Variants in MMP20 observed in about 807,000 individuals in gnomAD.
MMP20 encodes matrix metalloproteinase-20.
MMP20 carries 50 observed loss-of-function variants against 51.8 expected under a neutral mutation model. The observed-to-expected ratio is 0.97, with a 90% CI of 0.77 to 1.22. MMP20 has a LOEUF of 1.22. MMP20 is among the 50% of genes most tolerant of loss of function. MMP20 has a pLI of 0.00. For missense variants in MMP20, 663 were observed against 601.4 expected, an observed-to-expected ratio of 1.10 and a Z score of -1.07; for synonymous variants, 244 against 216.2, an observed-to-expected ratio of 1.13 and a Z score of -1.13.
At chr11:102,608,592 T>C (rs535446551) in intron 5 of MMP20, among the ~76,000 whole-genome samples, 1 of 152,318 alleles carries the variant, frequency 6.6e-6, no homozygotes, top group East Asian at 1.9e-4. Flanking sequence ...TAAGGTCACT[T>C]ATCTGCAAAT....
chr11:102,600,007 TC>T (rs1250649928), intron 6 of MMP20, among the ~76,000 whole-genome samples: 1 of 152,218 alleles, frequency 6.6e-6, no homozygotes, highest in East Asian at 1.9e-4. Flanking sequence ...CCCTCCTCTC[TC>T]AGAATCAGGT....
chr11:102,594,534 T>A, intron 7 of MMP20, 87 bp downstream of exon 7: 2 of 1,557,898 alleles, frequency 1.3e-6, no homozygotes. Context: ...CCATGATGAC[T>A]GGAAAAATGC....
intron 6 of MMP20, among the ~76,000 whole-genome samples, chr11:102,602,829 C>A (rs777043118): frequency 2.6e-5 from 4 of 152,128 alleles, no homozygotes; most frequent in Non-Finnish European, 5.9e-5. Context: ...TTATATTGGG[C>A]AAAACCCAAC....
chr11:102,606,662 A>G lies in MMP20; in HGVS notation c.826T>C (p.Phe276Leu), dbSNP rs1859521899. The G allele has an allele frequency of 1.9e-6, 3 of 1,614,122 alleles. No homozygotes were observed. The highest frequency in any genetic ancestry group is 2.2e-5 in the South Asian group (2 of 91,078). Residue 276 changes from phenylalanine (F) to leucine (L), a missense_variant, in exon 6 of 10, where the codon TTC becomes CTC. Coordinates refer to ENST00000260228, the MANE Select transcript of MMP20 (RefSeq NM_004771.4). ...TGGGGCAGAGTGGGCTTCCCCAGGAATACTTTCCGAGGTCCTAGGATTCAA... is the reference window on the plus strand; with the variant it reads ...TGGGGCAGAGTGGGCTTCCCCAGGAGTACTTTCCGAGGTCCTAGGATTCAA... Reference protein sequence around the residue: ...IQALYGPRKVFLGKPTLPHAP... With the variant: ...IQALYGPRKVLLGKPTLPHAP...
intron 8 of MMP20, among the ~76,000 whole-genome samples, chr11:102,592,648 G>T (rs1255525917): frequency 1.3e-5 from 2 of 152,218 alleles, no homozygotes; most frequent in Admixed American, 6.5e-5. Context: ...TGAGCCTAAG[G>T]TGTCTAGCAT....
chr11:102,579,460 G>A (rs1859168336), intron 8 of MMP20, among the ~76,000 whole-genome samples: 1 of 151,770 alleles, frequency 6.6e-6, no homozygotes, highest in African/African-American at 2.4e-5. Flanking sequence ...CTACAGGCAT[G>A]TACCACCACA....
rs1343705639 is a variant in MMP20 at position 102,608,967 on chromosome 11, C to G, written c.781G>C (p.Asp261His). The G allele has an allele frequency of 6.2e-7, 1 of 1,614,084 alleles. No homozygotes were observed. Among genetic ancestry groups the G allele is most frequent in the Middle Eastern group, 1.7e-4 (1 of 6,060 alleles). ...AATGCCTGGATCCCTTTCACATCATCTTTGGGGAGGTGGAATCCATAGGGA... is the reference window on the plus strand; with the variant it reads ...AATGCCTGGATCCCTTTCACATCATGTTTGGGGAGGTGGAATCCATAGGGA... ...KNPYGFHLPKDDVKGIQALYG... is the reference protein window; with the variant it reads ...KNPYGFHLPKHDVKGIQALYG... The change falls in exon 5 of 10, where the codon GAT (aspartate) becomes CAT (histidine). Residue 261 changes from aspartate (D) to histidine (H), a missense_variant. Coordinates refer to ENST00000260228, the MANE Select transcript of MMP20 (RefSeq NM_004771.4).
Position 102,608,937 on chromosome 11 carries a change from C to T in MMP20, c.811G>A (p.Gly271Arg), listed in dbSNP as rs968800104. 31 of 1,613,780 alleles carry T rather than the reference C, an allele frequency of 1.9e-5. No homozygotes were observed. The highest frequency in any genetic ancestry group is 1.3e-4 in the East Asian group (6 of 44,894). Residue 271 changes from glycine to arginine, a missense_variant and splice_region_variant, in exon 5 of 10, where the codon GGA (glycine) becomes AGA (arginine). Transcript: ENST00000260228. ...DDVKGIQALY[G>R]PRKVFLGKPT... ...TCATCAAAGAAGGTAATAATCTTAC[C>T]GTATAATGCCTGGATCCCTTTCACA...
intron 6 of MMP20, 151 bp from the exon 7 acceptor site, chr11:102,594,908 CTT>C (rs10532934): frequency 3.4e-4 from 264 of 783,212 alleles, no homozygotes; most frequent in Middle Eastern, 4.2e-4. Context: ...TTTCTCTTTT[CTT>C]TTTTTTTTTT....
chr11:102,608,206 A>G (rs756269235), intron 5 of MMP20: 1 of 152,200 alleles, frequency 6.6e-6, no homozygotes, highest in Non-Finnish European at 1.5e-5. Context: ...AGGAAAAGCA[A>G]TTTCCTAGAT....
At position 102,617,060 on chromosome 11, in the gene MMP20, C is replaced by A; in HGVS notation, c.127-1G>T. 1 of 1,614,160 alleles carries A rather than the reference C, an allele frequency of 6.2e-7. No homozygotes were observed. The highest frequency in any genetic ancestry group is 8.5e-7 in the Non-Finnish European group (1 of 1,180,030). ...TTGTGTAATATTTGTCAAGATACGC[C>A]TGAAATGGAGAGGCAGGCTGACGCG... On this transcript the variant is annotated splice_acceptor_variant, in intron 1 of 9. Coordinates refer to ENST00000260228, the MANE Select transcript of MMP20 (RefSeq NM_004771.4). LOFTEE classifies it high-confidence loss of function.
intron 1 of MMP20, among the ~76,000 whole-genome samples, chr11:102,623,735 T>A (rs886453241): frequency 2.6e-5 from 4 of 152,136 alleles, no homozygotes; most frequent in Non-Finnish European, 5.9e-5. Context: ...CCAACTGTAG[T>A]TTTCCTGAAC....
chr11:102,619,973 A>G (rs183997715), intron 1 of MMP20, among the ~76,000 whole-genome samples: 50 of 152,340 alleles, frequency 3.3e-4, no homozygotes, highest in Middle Eastern at 6.8e-3. Context: ...TCATCACTGC[A>G]GTGATATAAA....
intron 6 of MMP20, among the ~76,000 whole-genome samples, chr11:102,606,254 A>T (rs1049881900): frequency 6.6e-6 from 1 of 152,206 alleles, no homozygotes; most frequent in African/African-American, 2.4e-5. Flanking sequence ...TTATCTGCAC[A>T]TTAGGGATTC....
chr11:102,593,335 G>T, intron 8 of MMP20, 104 bp downstream of exon 8: 2 of 1,200,968 alleles, frequency 1.7e-6, no homozygotes, highest in Non-Finnish European at 2.4e-6. Context: ...GAGTCAACGG[G>T]CCTATCGCAA....
Position 102,577,107 on chromosome 11 carries a change from C to G in MMP20, c.*219G>C. ...GAGTGCATTGTGTTGATTTGGATTTCGCATAAAGTTGCCCATATAAAAACT... is the reference window on the plus strand; with the variant it reads ...GAGTGCATTGTGTTGATTTGGATTTGGCATAAAGTTGCCCATATAAAAACT... On this transcript the variant is annotated 3_prime_UTR_variant, in exon 10 of 10. Coordinates refer to ENST00000260228, the MANE Select transcript of MMP20 (RefSeq NM_004771.4). 1.9e-6 allele frequency: 1 copy of G among 524,106 alleles called. No homozygotes were observed. The allele number at this position is 524,106 out of a possible 1,614,324, so 32.5% of individuals were successfully genotyped here.
intron 8 of MMP20, among the ~76,000 whole-genome samples, chr11:102,591,209 G>A (rs1207943641): frequency 2.0e-5 from 3 of 152,214 alleles, no homozygotes; most frequent in Non-Finnish European, 2.9e-5. Context: ...AGCTATAGGT[G>A]AGGGTTGTCT....
intron 6 of MMP20, among the ~76,000 whole-genome samples, chr11:102,602,490 C>T (rs1310244271): frequency 6.6e-6 from 1 of 152,236 alleles, no homozygotes; most frequent in Non-Finnish European, 1.5e-5. Context: ...AGGAACAGCT[C>T]GGAAGTGCTC....
chr11:102,589,991 A>G (rs1859299480), intron 8 of MMP20, among the ~76,000 whole-genome samples: 1 of 152,188 alleles, frequency 6.6e-6, no homozygotes, highest in East Asian at 1.9e-4. Context: ...GTCTGACTGT[A>G]CAGAAAGAGT....
Sources: gnomAD v4.1 joint callset for allele counts (sites outside exome capture counted in the v4.1 genomes callset) on GRCh38, gnomAD v4.1.1 for gene constraint, MANE v1.5 for transcripts, NCBI Gene and HGNC (gene_info 2026-07-23, HGNC 2026-07-21) for gene names.